Variants in GLRA2 observed in about 807,000 individuals in gnomAD.
GLRA2 encodes glycine receptor subunit alpha-2.
GLRA2 carries 11 observed loss-of-function variants against 31.6 expected under a neutral mutation model. The observed-to-expected ratio is 0.35, with a 90% CI of 0.22 to 0.58. The LOEUF (loss-of-function observed/expected upper bound fraction) is 0.58, where lower values mean the gene tolerates loss of function less well. Ranked by LOEUF, GLRA2 falls within the 20% of genes least tolerant of loss-of-function variation. The pLI, the probability that GLRA2 is intolerant of heterozygous loss-of-function variation, is 0.84. For synonymous variants in GLRA2, 132 were observed against 134.0 expected (o/e 0.99, Z 0.10); for missense variants, 212 against 351.8 (o/e 0.60, Z 3.18).
intron 2 of GLRA2, among the ~76,000 whole-genome samples, chrX:14,538,371 T>C (rs1293235048): frequency 1.8e-5 from 2 of 111,946 alleles, no homozygotes; most frequent in Non-Finnish European, 3.8e-5. Context: ...TGAGTTATTA[T>C]TGCAATTCCA....
At chrX:14,494,791 G>C in the GLRA2 span, among the ~76,000 whole-genome samples, 1 of 111,808 alleles carries the variant, frequency 8.9e-6, no homozygotes, top group East Asian at 2.8e-4. Context: ...TCCCGTAGAA[G>C]CACCTAAATG....
At chrX:14,493,542 T>C in the GLRA2 span, among the ~76,000 whole-genome samples, 1 of 98,751 alleles carries the variant, frequency 1.0e-5, no homozygotes, top group Non-Finnish European at 1.9e-5. Flanking sequence ...CACATATATA[T>C]ACTTATATAC....
At chrX:14,482,899 CA>C in the GLRA2 span, among the ~76,000 whole-genome samples, 26 of 110,885 alleles carry the variant, frequency 2.3e-4, no homozygotes, top group African/African-American at 6.9e-4. Context: ...TTTCCTTTTA[CA>C]GGGGGAACAA....
At chrX:14,721,578 T>C (rs772883868) in intron 8 of GLRA2, among the ~76,000 whole-genome samples, 4 of 111,783 alleles carry the variant, frequency 3.6e-5, no homozygotes, top group South Asian at 3.7e-4. Context: ...ATAAGACCTA[T>C]TGCCTGTCTG....
the GLRA2 span, among the ~76,000 whole-genome samples, chrX:14,465,114 A>G: frequency 8.9e-5 from 10 of 111,815 alleles, no homozygotes; most frequent in Non-Finnish European, 1.9e-4. Context: ...TTTTAACAAT[A>G]TTACTTCTGA....
At chrX:14,652,082 C>A (rs750678546) in intron 7 of GLRA2, among the ~76,000 whole-genome samples, 4 of 111,896 alleles carry the variant, frequency 3.6e-5, no homozygotes, top group African/African-American at 1.3e-4. Flanking sequence ...CCTGACCGTG[C>A]TGGGACCTTG....
At chrX:14,579,696 A>G (rs187882146) in intron 3 of GLRA2, among the ~76,000 whole-genome samples, 1 of 111,495 alleles carries the variant, frequency 9.0e-6, no homozygotes, top group Admixed American at 9.6e-5. Context: ...GTGCAATGGT[A>G]AAGCCTCAAT....
At chrX:14,474,428 C>A in the GLRA2 span, among the ~76,000 whole-genome samples, 1 of 111,630 alleles carries the variant, frequency 9.0e-6, no homozygotes, top group African/African-American at 3.3e-5. Flanking sequence ...AACCAGAACT[C>A]ACTGACTGTA....
At chrX:14,602,736 A>G (rs2090290835) in intron 4 of GLRA2, among the ~76,000 whole-genome samples, 2 of 111,876 alleles carry the variant, frequency 1.8e-5, no homozygotes, top group African/African-American at 6.5e-5. Flanking sequence ...AGTCCCATCC[A>G]GGTTGCTGTG....
At chrX:14,665,106 A>C (rs932313233) in intron 7 of GLRA2, among the ~76,000 whole-genome samples, 1 of 112,125 alleles carries the variant, frequency 8.9e-6, no homozygotes, top group African/African-American at 3.2e-5. Context: ...CAATGTTTAG[A>C]AACTTCCTCA....
intron 2 of GLRA2, among the ~76,000 whole-genome samples, chrX:14,560,403 G>A (rs948023590): frequency 2.7e-5 from 3 of 112,081 alleles, no homozygotes; most frequent in East Asian, 2.8e-4. Context: ...AGGACGCTGG[G>A]AAATAACTAA....
intron 7 of GLRA2, among the ~76,000 whole-genome samples, chrX:14,633,017 C>A (rs900642476): frequency 1.8e-5 from 2 of 111,451 alleles, no homozygotes; most frequent in East Asian, 5.6e-4. Context: ...GCAGTTGTTA[C>A]ACAAAGACAG....
At chrX:14,519,262 G>T in the GLRA2 span, among the ~76,000 whole-genome samples, 3 of 111,409 alleles carry the variant, frequency 2.7e-5, no homozygotes, top group South Asian at 1.1e-3. Flanking sequence ...TTAAAAAGAA[G>T]TCTGAGAGAT....
At chrX:14,589,387 C>T (rs1033633092) in intron 4 of GLRA2, among the ~76,000 whole-genome samples, 15 of 107,379 alleles carry the variant, frequency 1.4e-4, no homozygotes, top group African/African-American at 4.1e-4. Flanking sequence ...TGGCAGGGCG[C>T]GGTGGCTCAT....
chrX:14,493,352 A>G, the GLRA2 span, among the ~76,000 whole-genome samples: 1 of 109,605 alleles, frequency 9.1e-6, no homozygotes, highest in Admixed American at 9.8e-5. Context: ...TGAATTAAGG[A>G]TATGTAAACA....
upstream of GLRA2, among the ~76,000 whole-genome samples, chrX:14,527,748 A>G (rs2089197480): frequency 8.9e-6 from 1 of 112,287 alleles, no homozygotes; most frequent in Admixed American, 9.4e-5. Flanking sequence ...TGAACACAAA[A>G]AAATCTGTGC....
At chrX:14,486,134 G>A in the GLRA2 span, among the ~76,000 whole-genome samples, 6 of 111,159 alleles carry the variant, frequency 5.4e-5, no homozygotes, top group Admixed American at 1.9e-4. Context: ...GAAAAGATAC[G>A]TTAAAATATG....
chrX:14,577,814 T>A (rs948317728), intron 3 of GLRA2, among the ~76,000 whole-genome samples: 13 of 111,557 alleles, frequency 1.2e-4, no homozygotes, highest in Non-Finnish European at 2.3e-4. Context: ...ACCCAAAGTG[T>A]CATCACAGCC....
chrX:14,513,403 CAAAGAT>C, the GLRA2 span, among the ~76,000 whole-genome samples: 1 of 111,688 alleles, frequency 9.0e-6, no homozygotes, highest in Non-Finnish European at 1.9e-5. Context: ...GCAACAAAAA[CAAAGAT>C]AAATAGATGG....
Sources: gnomAD v4.1 joint callset for allele counts (sites outside exome capture counted in the v4.1 genomes callset) on GRCh38, gnomAD v4.1.1 for gene constraint, MANE v1.5 for transcripts, NCBI Gene and HGNC (gene_info 2026-07-23, HGNC 2026-07-21) for gene names.